RABGAP1L: variants seen among roughly 807,000 people sequenced by gnomAD.
The protein encoded by RABGAP1L is rab GTPase-activating protein 1-like.
In RABGAP1L, 63 loss-of-function variants were observed where a neutral mutation model predicts 137.7. The ratio of observed to expected loss-of-function variants is 0.46; its 90% CI spans 0.37 to 0.56. The LOEUF (loss-of-function observed/expected upper bound fraction) is 0.56. Among genes scored for constraint, RABGAP1L ranks in the 20% least tolerant of loss-of-function variants. The pLI is 0.00. For missense variants in RABGAP1L, 1,095 were observed against 1,244.0 expected, an observed-to-expected ratio of 0.88 and a Z score of 1.80; for synonymous variants, 431 against 433.7, an observed-to-expected ratio of 0.99 and a Z score of 0.08.
At position 174,270,195 on chromosome 1, in the gene RABGAP1L, CT is replaced by C. The variant is rs758618582; in HGVS notation, c.987-2206del. ...AAGGTCATGCTGGTTGGTGGCAGGG[CT>C]TTTTTTTTTTTTCCAGGCCAGGAAA... is the stretch of plus-strand genomic sequence containing the variant. On this transcript the variant is annotated intron_variant, in intron 7 of 25. Transcript: ENST00000681986. Among the ~76,000 whole-genome samples the C allele has an allele frequency of 5.2e-3, 717 of 139,124 alleles. 2 individuals carry two copies. The highest frequency in any genetic ancestry group is 9.9e-3 in the African/African-American group (378 of 38,246). The allele number at this position is 139,124 out of a possible 152,430, so 91.3% of individuals were successfully genotyped here.
At chr1:174,459,139 A>G (rs182926608) in intron 13 of RABGAP1L, among the ~76,000 whole-genome samples, 2 of 152,274 alleles carry the variant, frequency 1.3e-5, no homozygotes, top group South Asian at 2.1e-4. Context: ...GAATGAAAAT[A>G]CAAAGCAATT....
chr1:174,322,473 G>A (rs1680082807), intron 11 of RABGAP1L, among the ~76,000 whole-genome samples: 2 of 152,150 alleles, frequency 1.3e-5, no homozygotes, highest in Admixed American at 6.6e-5. Context: ...CAGTCAAAAT[G>A]ATGCTGTTGT....
chr1:174,809,985 G>T (rs1327703845), intron 18 of RABGAP1L, among the ~76,000 whole-genome samples: 1 of 152,214 alleles, frequency 6.6e-6, no homozygotes, highest in African/African-American at 2.4e-5. Context: ...TGAGGAAAGA[G>T]AAATCTGAGA....
chr1:174,496,520 C>G (rs1212957916), intron 13 of RABGAP1L, among the ~76,000 whole-genome samples: 2 of 152,140 alleles, frequency 1.3e-5, no homozygotes, highest in Non-Finnish European at 2.9e-5. Context: ...ATACTTGGAC[C>G]TTAAAACCAG....
chr1:174,588,196 C>G (rs1245139612), intron 13 of RABGAP1L, among the ~76,000 whole-genome samples: 1 of 150,326 alleles, frequency 6.7e-6, no homozygotes, highest in Non-Finnish European at 1.5e-5. Flanking sequence ...GACAGTCTTG[C>G]TCTGTCACCC....
intron 12 of RABGAP1L, among the ~76,000 whole-genome samples, chr1:174,383,495 C>T (rs544817579): frequency 1.1e-4 from 17 of 152,260 alleles, no homozygotes; most frequent in Admixed American, 3.3e-4. Context: ...TCTCGTGGTG[C>T]GCCGTTTTTT....
At chr1:174,866,127 GAGAGAGAGAGA>G (rs1651187370) in intron 19 of RABGAP1L, among the ~76,000 whole-genome samples, 1 of 143,428 alleles carries the variant, frequency 7.0e-6, no homozygotes, top group Non-Finnish European at 1.5e-5. Context: ...GAGAGAGAGA[GAGAGAGAGAGA>G]GAGAGAGAGA....
intron 13 of RABGAP1L, among the ~76,000 whole-genome samples, chr1:174,578,194 T>C (rs1174183395): frequency 6.6e-6 from 1 of 152,200 alleles, no homozygotes; most frequent in Non-Finnish European, 1.5e-5. Flanking sequence ...TTTTTTTCTT[T>C]TTTCTTTATT....
Position 174,169,979 on chromosome 1 carries a change from C to G in RABGAP1L, c.-34+10322C>G, listed in dbSNP as rs1439738585. 2.0e-5 allele frequency among the ~76,000 whole-genome samples: 3 copies of G among 152,172 alleles called. No homozygotes were observed. In the East Asian group the frequency reaches 5.8e-4, roughly 29 times the overall value. ...AATTACAGATGTGAGCCACTAAACC[C>G]TGCACAATTTTTCAACTTTTGGGAA... On this transcript the variant is annotated intron_variant, in intron 1 of 25. Transcript: ENST00000681986.
At chr1:174,178,876 A>G (rs1299866372) in intron 1 of RABGAP1L, among the ~76,000 whole-genome samples, 1 of 152,182 alleles carries the variant, frequency 6.6e-6, no homozygotes, top group African/African-American at 2.4e-5. Context: ...AAAAACAGGT[A>G]ATGCATGCAG....
At chr1:174,267,310 T>G (rs1377017318) in intron 7 of RABGAP1L, among the ~76,000 whole-genome samples, 1 of 152,206 alleles carries the variant, frequency 6.6e-6, no homozygotes, top group African/African-American at 2.4e-5. Flanking sequence ...AGCAAACTTT[T>G]ACTTCGCTAT....
intron 1 of RABGAP1L, among the ~76,000 whole-genome samples, chr1:174,198,746 T>C (rs1438363354): frequency 6.6e-6 from 1 of 151,958 alleles, no homozygotes; most frequent in African/African-American, 2.4e-5. Context: ...TCATCAAGAG[T>C]GAGTGAGTCC....
At chr1:174,438,131 A>C (rs1389411827) in intron 13 of RABGAP1L, among the ~76,000 whole-genome samples, 3 of 152,202 alleles carry the variant, frequency 2.0e-5, no homozygotes, top group Non-Finnish European at 4.4e-5. Context: ...AATTGTAAAG[A>C]CCATCGAGGC....
chr1:174,218,397 T>TA (rs1227781777), intron 1 of RABGAP1L, among the ~76,000 whole-genome samples: 1 of 152,172 alleles, frequency 6.6e-6, no homozygotes, highest in Non-Finnish European at 1.5e-5. Context: ...TGTCTGCAGT[T>TA]AAACTTAGTT....
intron 1 of RABGAP1L, among the ~76,000 whole-genome samples, chr1:174,168,949 T>A (rs1665129919): frequency 6.6e-6 from 1 of 152,246 alleles, no homozygotes; most frequent in Non-Finnish European, 1.5e-5. Context: ...GCTTTTAGTA[T>A]ACCCATCACC....
At chr1:174,210,328 A>G (rs1386375296) in intron 1 of RABGAP1L, among the ~76,000 whole-genome samples, 4 of 152,228 alleles carry the variant, frequency 2.6e-5, no homozygotes, top group African/African-American at 9.6e-5. Flanking sequence ...GGCAGTTCAA[A>G]GAAATTCAAG....
intron 4 of RABGAP1L, chr1:174,239,064 G>T (rs896485075): frequency 6.5e-6 from 1 of 154,622 alleles, no homozygotes; most frequent in East Asian, 1.9e-4. Context: ...CTTTGACTCA[G>T]ATAGGGAACT....
In RABGAP1L at chr1:174,916,908, G is replaced by T. The variant is rs150639959; in HGVS notation, c.2341-40549G>T. On this transcript the variant is annotated intron_variant, in intron 19 of 25. Coordinates refer to ENST00000681986, the MANE Select transcript of RABGAP1L (RefSeq NM_001366446.1). ...ACTCGGACTGCCATAACCAAACACC[G>T]TATACAATATCACTTAAACAATGAA... is the stretch of plus-strand genomic sequence containing the variant. Among the ~76,000 whole-genome samples the T allele has an allele frequency of 6.8e-4, 103 of 152,256 alleles. 1 individual carries two copies. Among genetic ancestry groups the T allele is most frequent in the African/African-American group, 2.3e-3 (95 of 41,542 alleles).
chr1:174,573,629 C>T (rs1668155541), intron 13 of RABGAP1L, among the ~76,000 whole-genome samples: 1 of 151,512 alleles, frequency 6.6e-6, no homozygotes, highest in South Asian at 2.1e-4. Context: ...TATATTTTTG[C>T]CTTATAGTGA....
Sources: gnomAD v4.1 joint callset for allele counts (sites outside exome capture counted in the v4.1 genomes callset) on GRCh38, gnomAD v4.1.1 for gene constraint, MANE v1.5 for transcripts, NCBI Gene and HGNC (gene_info 2026-07-23, HGNC 2026-07-21) for gene names.